Variants in FGD4 observed in about 807,000 individuals in gnomAD.
FGD4 encodes the protein FYVE, RhoGEF and PH domain-containing protein 4.
Under a neutral mutation model 102.0 loss-of-function variants are expected in FGD4, and 42 were observed. The ratio of observed to expected loss-of-function variants is 0.41; its 90% CI spans 0.32 to 0.53. FGD4 has a LOEUF of 0.53. Ranked by LOEUF, FGD4 falls within the 20% of genes least tolerant of loss-of-function variation. FGD4 has a pLI of 0.21. For synonymous variants in FGD4, 380 were observed against 375.7 expected (o/e 1.01, Z -0.13); for missense variants, 902 against 1,078.2 (o/e 0.84, Z 2.29).
intron 14 of FGD4, among the ~76,000 whole-genome samples, chr12:32,632,086 C>T (rs1481525752): frequency 6.6e-6 from 1 of 151,956 alleles, no homozygotes; most frequent in Admixed American, 6.6e-5. Flanking sequence ...TAAATCTACA[C>T]CAAAAATTTG....
At chr12:32,404,721 A>G (rs1282443077) in intron 1 of FGD4, among the ~76,000 whole-genome samples, 2 of 152,076 alleles carry the variant, frequency 1.3e-5, no homozygotes, top group Non-Finnish European at 2.9e-5. Context: ...TAAAAAATCT[A>G]TATTATATTT....
chr12:32,619,607 G>GAA (rs2136876961), intron 10 of FGD4, 91 bp from the exon 11 acceptor site: 1 of 1,414,836 alleles, frequency 7.1e-7, no homozygotes, highest in South Asian at 1.2e-5. Context: ...ACTCCAGCCT[G>GAA]GGCAACAGAG....
At chr12:32,455,195 T>C (rs2136483518) in intron 1 of FGD4, among the ~76,000 whole-genome samples, 1 of 152,342 alleles carries the variant, frequency 6.6e-6, no homozygotes, top group South Asian at 2.1e-4. Flanking sequence ...AATAACATTG[T>C]GAATGAGGAT....
chr12:32,603,835 T>G (rs575957676), intron 7 of FGD4, among the ~76,000 whole-genome samples: 1 of 152,232 alleles, frequency 6.6e-6, no homozygotes, highest in East Asian at 1.9e-4. Flanking sequence ...CTCAGGTAGC[T>G]GGGACTACAG....
At chr12:32,607,673 C>G (rs760523490) in intron 7 of FGD4, among the ~76,000 whole-genome samples, 3 of 152,194 alleles carry the variant, frequency 2.0e-5, no homozygotes, top group African/African-American at 4.8e-5. Flanking sequence ...TGCCACCACG[C>G]CTGGCTAATT....
rs560672938 is a variant in FGD4 at position 32,558,182 on chromosome 12, C to T, written c.167-5955C>T. On this transcript the variant is annotated intron_variant, in intron 1 of 16. Transcript: ENST00000534526. Reference sequence around the variant, plus strand: ...TCAAAAGTGCTATGGTGCCAAAAGTCATGCAAGACAAATCTAAGTAATTCT... The same window carrying T: ...TCAAAAGTGCTATGGTGCCAAAAGTTATGCAAGACAAATCTAAGTAATTCT... Among the ~76,000 whole-genome samples, 16 of 152,300 alleles carry T rather than the reference C, an allele frequency of 1.1e-4. No homozygotes were observed. The South Asian group carries it at 3.1e-3, about 30-fold the overall frequency.
chr12:32,607,886 G>A lies in FGD4; in HGVS notation c.1405-71G>A, dbSNP rs187568695. On this transcript the variant is annotated intron_variant, in intron 7 of 16. Coordinates refer to ENST00000534526, the MANE Select transcript of FGD4 (RefSeq NM_001370298.3). ...AAATATTGCCCTTGACGAAAGTTCT[G>A]TTTTACAGTGAGTTTTTAGACTTGC... The A allele has an allele frequency of 7.0e-5, 111 of 1,579,794 alleles. No homozygotes were observed. In the Admixed American group the frequency reaches 1.9e-3, roughly 26 times the overall value.
In FGD4 at chr12:32,523,765, G is replaced by A. The variant is rs1189066531; in HGVS notation, c.167-40372G>A. 2.0e-5 allele frequency among the ~76,000 whole-genome samples: 3 copies of A among 152,112 alleles called. No homozygotes were observed. The East Asian group carries it at 5.8e-4, about 29-fold the overall frequency. ...CGAGGCGGGCAGATCATGAGGTCAG[G>A]AGATCGAGACCATCCTGGCTAACAC... On this transcript the variant is annotated intron_variant, in intron 1 of 16. Coordinates refer to ENST00000534526, the MANE Select transcript of FGD4 (RefSeq NM_001370298.3).
In FGD4 at chr12:32,564,307, T is replaced by C. The variant is rs1408956780; in HGVS notation, c.319+18T>C. 6 of 1,534,398 alleles carry C rather than the reference T, an allele frequency of 3.9e-6. No individual in the cohort carries two copies. Among genetic ancestry groups the C allele is most frequent in the Admixed American group, 2.0e-5 (1 of 50,828 alleles). On this transcript the variant is annotated intron_variant, in intron 2 of 16. Coordinates refer to ENST00000534526, the MANE Select transcript of FGD4 (RefSeq NM_001370298.3). Reference sequence around the variant, plus strand: ...GCCACAAGGTATGCTCACTGGGAGTTTGTGTTCGGGGTGGGTACGTTGTTG... The same window carrying C: ...GCCACAAGGTATGCTCACTGGGAGTCTGTGTTCGGGGTGGGTACGTTGTTG...
At chr12:32,573,302 A>G (rs1047349461) in intron 2 of FGD4, among the ~76,000 whole-genome samples, 2 of 152,154 alleles carry the variant, frequency 1.3e-5, no homozygotes, top group Non-Finnish European at 2.9e-5. Flanking sequence ...TCACCGTGTT[A>G]GCCAGGTTGG....
At chr12:32,472,019 G>C (rs1943427197) in intron 1 of FGD4, among the ~76,000 whole-genome samples, 1 of 152,186 alleles carries the variant, frequency 6.6e-6, no homozygotes, top group African/African-American at 2.4e-5. Context: ...CGATAGAGCA[G>C]CCCATACAAG....
chr12:32,621,940 T>G (rs1592440810), intron 11 of FGD4, among the ~76,000 whole-genome samples: 1 of 150,692 alleles, frequency 6.6e-6, no homozygotes, highest in East Asian at 2.0e-4. Flanking sequence ...CAGGCTGGAG[T>G]GCAATGGCAT....
At chr12:32,616,062 T>C (rs1218839416) in intron 10 of FGD4, among the ~76,000 whole-genome samples, 1 of 152,216 alleles carries the variant, frequency 6.6e-6, no homozygotes, top group Non-Finnish European at 1.5e-5. Context: ...ACGTGCTTAA[T>C]ACATCATTCT....
At chr12:32,600,314 T>C in intron 5 of FGD4, 1 of 407,168 alleles carries the variant, frequency 2.5e-6, no homozygotes, top group South Asian at 2.2e-5. Flanking sequence ...CAGCCACTGC[T>C]GCTGACCTTT....
At chr12:32,413,724 G>A (rs887520726) in intron 1 of FGD4, among the ~76,000 whole-genome samples, 1 of 152,088 alleles carries the variant, frequency 6.6e-6, no homozygotes, top group Non-Finnish European at 1.5e-5. Context: ...AACCACCTTG[G>A]GCGTGCTTTC....
intron 2 of FGD4, among the ~76,000 whole-genome samples, chr12:32,575,262 C>G (rs1216998208): frequency 3.9e-5 from 6 of 152,152 alleles, no homozygotes; most frequent in Non-Finnish European, 8.8e-5. Flanking sequence ...GCTCACAGTT[C>G]TGCAGGCTGT....
intron 2 of FGD4, among the ~76,000 whole-genome samples, chr12:32,566,255 A>G (rs779734764): frequency 2.6e-5 from 4 of 152,092 alleles, no homozygotes; most frequent in Non-Finnish European, 4.4e-5. Context: ...CCTCTTTTCA[A>G]TGGCACTAAT....
chr12:32,434,583 G>T (rs954797651), intron 1 of FGD4, among the ~76,000 whole-genome samples: 5 of 152,188 alleles, frequency 3.3e-5, no homozygotes, highest in Non-Finnish European at 5.9e-5. Flanking sequence ...CCTCAGGAAG[G>T]TTATTTCCTT....
At chr12:32,550,524 T>A (rs1416686870) in intron 1 of FGD4, among the ~76,000 whole-genome samples, 2 of 151,466 alleles carry the variant, frequency 1.3e-5, no homozygotes, top group African/African-American at 4.8e-5. Flanking sequence ...TTTTTAAAAA[T>A]TAGCCGGGTG....
Sources: gnomAD v4.1 joint callset for allele counts (sites outside exome capture counted in the v4.1 genomes callset) on GRCh38, gnomAD v4.1.1 for gene constraint, MANE v1.5 for transcripts, NCBI Gene and HGNC (gene_info 2026-07-23, HGNC 2026-07-21) for gene names.